The following TAB2 variants were observed in gnomAD, a reference collection of about 807,000 sequenced individuals.
TAB2 encodes the protein TGF-beta-activated kinase 1 and MAP3K7-binding protein 2.
A neutral mutation model predicts 65.0 loss-of-function variants in TAB2; 3 were observed. The ratio of observed to expected loss-of-function variants is 0.05; its 90% CI spans 0.02 to 0.12. The LOEUF (loss-of-function observed/expected upper bound fraction) is 0.12, where lower values mean the gene tolerates loss of function less well. TAB2 is among the 10% of genes least tolerant of loss of function. The pLI is 1.00. For synonymous variants in TAB2, 298 were observed against 285.1 expected (o/e 1.05, Z -0.46); for missense variants, 623 against 840.3 (o/e 0.74, Z 3.20).
chr6:149,331,044 TTAGA>T (rs1779768793), intron 1 of TAB2, among the ~76,000 whole-genome samples: 1 of 152,134 alleles, frequency 6.6e-6, no homozygotes, highest in African/African-American at 2.4e-5. Flanking sequence ...AGTCTTAAAA[TTAGA>T]TAGTGAAATT....
chr6:149,386,898 C>T (rs1057049742), intron 3 of TAB2, among the ~76,000 whole-genome samples: 1 of 152,160 alleles, frequency 6.6e-6, no homozygotes, highest in African/African-American at 2.4e-5. Flanking sequence ...GCTTACTGGC[C>T]ATTTGCATAT....
At chr6:149,312,347 C>T (rs1779179892) in intron 1 of TAB2, among the ~76,000 whole-genome samples, 1 of 151,846 alleles carries the variant, frequency 6.6e-6, no homozygotes, top group Non-Finnish European at 1.5e-5. Context: ...TTTCCATGTG[C>T]TTTTTTTTAA....
chr6:149,345,551 AAT>A (rs71677174), intron 1 of TAB2, among the ~76,000 whole-genome samples: 18,555 of 152,120 alleles, frequency 0.12, 1,725 homozygotes, highest in East Asian at 0.51. Context: ...GTAATGCATG[AAT>A]ATGTGTTATT....
At chr6:149,218,683 A>C (rs1777074298) in exon 1 of TAB2, 2 of 451,434 alleles carry the variant, frequency 4.4e-6, no homozygotes, top group Non-Finnish European at 8.9e-6. Context: ...TAAAGATCTA[A>C]ACACCATCTG....
chr6:149,407,854 A>G (rs892930385), intron 6 of TAB2, among the ~76,000 whole-genome samples: 6 of 152,078 alleles, frequency 3.9e-5, no homozygotes, highest in African/African-American at 1.4e-4. Flanking sequence ...CATTTAAGAA[A>G]AATTTTATAG....
At chr6:149,350,158 G>A (rs967629441) in intron 1 of TAB2, among the ~76,000 whole-genome samples, 1 of 151,882 alleles carries the variant, frequency 6.6e-6, no homozygotes, top group Non-Finnish European at 1.5e-5. Context: ...TCTCAAACCC[G>A]TGACCTCAGG....
Position 149,377,846 on chromosome 6 carries a change from G to C in TAB2, c.103-172G>C, listed in dbSNP as rs1298913094. Among the ~76,000 whole-genome samples the C allele has an allele frequency of 3.3e-5, 5 of 152,154 alleles. No homozygotes were observed. The East Asian group carries it at 9.6e-4, about 29-fold the overall frequency. On this transcript the variant is annotated intron_variant, in intron 2 of 6. Transcript: ENST00000637181. The stretch of plus-strand genomic sequence containing the variant: ...AGAGAGCTTTTCCATTACATTAGTA[G>C]TGAGGATTTTTAATTCAATCATTTG...
chr6:149,275,234 G>GAGAAAGAAAGAAAGAAAGAA (rs746637120), intron 1 of TAB2, among the ~76,000 whole-genome samples: 37 of 65,402 alleles, frequency 5.7e-4, no homozygotes, highest in East Asian at 1.8e-3. Flanking sequence ...GGGAGAGAGA[G>GAGAAAGAAAGAAAGAAAGAA]AGAAAGAAAG....
At chr6:149,283,878 T>TA (rs970461587) in intron 1 of TAB2, among the ~76,000 whole-genome samples, 25 of 152,144 alleles carry the variant, frequency 1.6e-4, no homozygotes, top group South Asian at 2.1e-4. Context: ...TAAAGTATAA[T>TA]AAAAATCACT....
chr6:149,312,604 C>A (rs1356558402), intron 1 of TAB2, among the ~76,000 whole-genome samples: 1 of 152,218 alleles, frequency 6.6e-6, no homozygotes, highest in Non-Finnish European at 1.5e-5. Context: ...CTTAAGTGAT[C>A]CACCTGCCTC....
At chr6:149,358,568 G>C (rs1780743888) in intron 1 of TAB2, among the ~76,000 whole-genome samples, 1 of 149,668 alleles carries the variant, frequency 6.7e-6, no homozygotes, top group Non-Finnish European at 1.5e-5. Flanking sequence ...TAAAATATTT[G>C]TCTTTGGTAC....
chr6:149,351,056 C>T (rs974760253), intron 1 of TAB2, among the ~76,000 whole-genome samples: 9 of 152,222 alleles, frequency 5.9e-5, no homozygotes, highest in South Asian at 4.1e-4. Context: ...ACAGGTGACA[C>T]GATCCCCAGA....
intron 1 of TAB2, among the ~76,000 whole-genome samples, chr6:149,325,369 G>GT (rs954542317): frequency 3.3e-5 from 5 of 152,104 alleles, no homozygotes; most frequent in Admixed American, 1.3e-4. Context: ...GCTTCGTTAG[G>GT]TTTTTTCTTC....
At chr6:149,286,842 G>A (rs4897114) in intron 1 of TAB2, among the ~76,000 whole-genome samples, 30,503 of 152,024 alleles carry the variant, frequency 0.2, 3,282 homozygotes, top group East Asian at 0.43. Context: ...TTGGCTGGGC[G>A]CGGTAGCTCA....
intron 1 of TAB2, among the ~76,000 whole-genome samples, chr6:149,283,473 G>A (rs780888080): frequency 3.3e-5 from 5 of 152,170 alleles, no homozygotes; most frequent in Non-Finnish European, 7.3e-5. Flanking sequence ...ACTTTGGGAG[G>A]CTGAGGTAGG....
intron 1 of TAB2, among the ~76,000 whole-genome samples, chr6:149,307,099 C>T (rs1177959557): frequency 1.3e-5 from 2 of 152,108 alleles, no homozygotes; most frequent in South Asian, 2.1e-4. Flanking sequence ...CTGAGACATC[C>T]TTGTTGTCTG....
chr6:149,290,055 G>GT (rs1235668301), intron 1 of TAB2, among the ~76,000 whole-genome samples: 3 of 152,260 alleles, frequency 2.0e-5, no homozygotes, highest in East Asian at 1.9e-4. Flanking sequence ...CAGGTAGCAG[G>GT]TTTCAGAGAG....
intron 1 of TAB2, among the ~76,000 whole-genome samples, chr6:149,299,136 A>G (rs181071706): frequency 6.6e-6 from 1 of 152,374 alleles, no homozygotes; most frequent in East Asian, 1.9e-4. Context: ...AGTGGAAGAG[A>G]AAAACTGTGT....
At chr6:149,227,658 G>A (rs1190523596) in intron 1 of TAB2, among the ~76,000 whole-genome samples, 1 of 152,206 alleles carries the variant, frequency 6.6e-6, no homozygotes, top group Non-Finnish European at 1.5e-5. Context: ...AACATCCCCA[G>A]TGAGGAATCT....
Sources: gnomAD v4.1 joint callset for allele counts (sites outside exome capture counted in the v4.1 genomes callset) on GRCh38, gnomAD v4.1.1 for gene constraint, MANE v1.5 for transcripts, NCBI Gene and HGNC (gene_info 2026-07-23, HGNC 2026-07-21) for gene names.